PSTK: variants seen among roughly 807,000 people sequenced by gnomAD.
PSTK encodes the protein L-seryl-tRNA(Sec) kinase.
Under a neutral mutation model 38.6 loss-of-function variants are expected in PSTK, and 26 were observed. That is an observed-to-expected ratio of 0.67 (90% confidence interval 0.49 to 0.94). PSTK has a LOEUF of 0.94. Ranked by LOEUF, PSTK falls within the 40% of genes least tolerant of loss-of-function variation. The probability of loss-of-function intolerance (pLI) is 0.00; values close to 1 mark genes in which losing one functional copy is unlikely to be tolerated. For missense variants in PSTK, 445 were observed against 436.3 expected (o/e 1.02, Z -0.18); for synonymous variants, 181 against 161.7 (o/e 1.12, Z -0.91).
In PSTK at chr10:122,980,554, C is replaced by A. The variant is rs1376967596; in HGVS notation, c.75C>A (p.Gly25=). The A allele has an allele frequency of 1.2e-6, 2 of 1,611,688 alleles. No homozygotes were observed. Among genetic ancestry groups the A allele is most frequent in the South Asian group, 2.2e-5 (2 of 90,932 alleles). ...PRKRGLCVLC[G]LPAAGKSTFA... is the part of the protein sequence containing the mutation. ...AACGAGGCCTCTGCGTCCTCTGTGG[C>A]CTCCCCGCGGCAGGAAAATCGACTT... Residue 25 remains glycine, a synonymous_variant, in exon 1 of 6, where the codon GGC becomes GGA. Transcript: ENST00000406217. The surrounding 1 kb of genome is among the most constrained non-coding windows in gnomAD (Gnocchi z 4.3).
intron 4 of PSTK, among the ~76,000 whole-genome samples, 197 bp from the exon 5 acceptor site, chr10:122,986,672 C>T (rs1209633011): frequency 6.6e-6 from 1 of 152,168 alleles, no homozygotes; most frequent in Non-Finnish European, 1.5e-5. Context: ...TAGACATTCA[C>T]CAGCATATCA....
chr10:122,986,281 TA>T lies in PSTK; in HGVS notation c.708-18del, dbSNP rs1471367934. 1 of 1,541,702 alleles carries T rather than the reference TA, an allele frequency of 6.5e-7. No homozygotes were observed. The highest frequency in any genetic ancestry group is 8.8e-7 in the Non-Finnish European group (1 of 1,133,320). ...TTGGATATAAGGATCTATTGTATTT[TA>T]TCCCATTTTCTCTGTAGCCTGGAAG... On this transcript the variant is annotated intron_variant, in intron 3 of 5. Transcript: ENST00000406217.
At chr10:122,986,986 G>C in intron 5 of PSTK, 24 bp downstream of exon 5, 1 of 1,444,800 alleles carries the variant, frequency 6.9e-7, no homozygotes, top group South Asian at 1.1e-5. Context: ...GTTATGTGTT[G>C]AGTTGGTATG....
Position 122,990,186 on chromosome 10 carries a change from T to G in PSTK, c.890T>G (p.Leu297Arg). 6.6e-7 allele frequency: 1 copy of G among 1,519,922 alleles called. No homozygotes were observed. 94.2% of individuals were successfully genotyped at this position (1,519,922 alleles called of 1,614,324 possible). Residue 297 changes from leucine to arginine, a missense_variant, in exon 6 of 6, where the codon CTT becomes CGT. Coordinates refer to ENST00000406217, the MANE Select transcript of PSTK (RefSeq NM_001363531.2). ...CTTTTTATTTTAGATGAACAAGTGCTTCCTCACAACTTGAAGCTTCTAGCA... is the reference window on the plus strand; with the variant it reads ...CTTTTTATTTTAGATGAACAAGTGCGTCCTCACAACTTGAAGCTTCTAGCA... ...TMKEAKDEQV[L>R]PHNLKLLAEE... is the part of the protein sequence containing the mutation.
At chr10:122,987,545 T>A in intron 5 of PSTK, 1 of 1,601,600 alleles carries the variant, frequency 6.2e-7, no homozygotes, top group Non-Finnish European at 8.5e-7. Flanking sequence ...AGGTGTAAGA[T>A]CAGCATGGAA....
chr10:122,985,338 T>G (rs1849019656), intron 3 of PSTK: 1 of 152,260 alleles, frequency 6.6e-6, no homozygotes, highest in Non-Finnish European at 1.5e-5. Flanking sequence ...CTGTCACTCT[T>G]ATCATTGTCA....
At chr10:122,981,843 C>T (rs1485379686) in intron 1 of PSTK, 1 of 152,186 alleles carries the variant, frequency 6.6e-6, no homozygotes, top group African/African-American at 2.4e-5. Context: ...TTTTTCCACG[C>T]TTTTCCTATG....
intron 3 of PSTK, 78 bp from the exon 4 acceptor site, chr10:122,986,222 C>G: frequency 2.4e-6 from 2 of 824,896 alleles, no homozygotes; most frequent in Non-Finnish European, 3.7e-6. Context: ...CTCCAGGACT[C>G]CATCTCAAAA....
In PSTK at chr10:122,983,264, G is replaced by C; in HGVS notation, c.509-8G>C. 6.3e-7 allele frequency: 1 copy of C among 1,599,650 alleles called. No individual in the cohort carries two copies. Among genetic ancestry groups the C allele is most frequent in the Non-Finnish European group, 8.5e-7 (1 of 1,173,052 alleles). On this transcript the variant is annotated splice_region_variant and splice_polypyrimidine_tract_variant and intron_variant, in intron 2 of 5. Transcript: ENST00000406217. ...ACCAGTAATTCTATCATTTTAAACT[G>C]TTTTCAGATTCGTTGGGCTTTTGCC...
Position 122,990,312 on chromosome 10 carries a change from TTTC to T in PSTK, c.1019_1021del (p.Ser340del), listed in dbSNP as rs1354473485. 2 of 1,520,072 alleles carry T rather than the reference TTTC, an allele frequency of 1.3e-6. No individual in the cohort carries two copies. The highest frequency in any genetic ancestry group is 2.3e-5 in the Admixed American group (1 of 43,332). 94.2% of individuals were successfully genotyped at this position (1,520,072 alleles called of 1,614,324 possible). ...CAAACCATTGACATACCAGATGTCA[TTTC>T]TTTTTTTCATTATGAGAAAGATAAT... is the stretch of plus-strand genomic sequence containing the variant. On this transcript the variant is annotated inframe_deletion, in exon 6 of 6. Coordinates refer to ENST00000406217, the MANE Select transcript of PSTK (RefSeq NM_001363531.2).
At chr10:122,983,544 G>A (rs189782479) in intron 3 of PSTK, 74 bp downstream of exon 3, 2 of 1,320,876 alleles carry the variant, frequency 1.5e-6, no homozygotes, top group Admixed American at 1.9e-5. Flanking sequence ...GTCTATGTTG[G>A]TTTAGTTAGT....
Position 122,986,917 on chromosome 10 carries a change from C to A in PSTK, c.832C>A (p.Gln278Lys), listed in dbSNP as rs141800550. The change falls in exon 5 of 6, where the codon CAG becomes AAG. Residue 278 changes from glutamine to lysine, a missense_variant. Transcript: ENST00000406217. Reference sequence around the variant, plus strand: ...AACTAACATTCTTCATAAAACTGATCAGACACTCCGAAGGATTGTATCTCA... The same window carrying A: ...AACTAACATTCTTCATAAAACTGATAAGACACTCCGAAGGATTGTATCTCA... ...CSTNILHKTD[Q>K]TLRRIVSQTM... 3 of 1,612,708 alleles carry A rather than the reference C, an allele frequency of 1.9e-6. No individual in the cohort carries two copies. Among genetic ancestry groups the A allele is most frequent in the Non-Finnish European group, 8.5e-7 (1 of 1,178,868 alleles).
Position 122,986,374 on chromosome 10 carries a change from A to G in PSTK, c.782A>G (p.Lys261Arg). Reference protein sequence around the residue: ...VKYAEDNMEQKDTDRIICSTN... With the variant: ...VKYAEDNMEQRDTDRIICSTN... ...TATGCTGAGGACAATATGGAACAAA[A>G]GGTAAACTTCCAGTGTAAATTTAAT... The change falls in exon 4 of 6, where the codon AAG (lysine) becomes AGG (arginine). Residue 261 changes from lysine to arginine, a missense_variant and splice_region_variant. Lys to Arg is a conservative substitution (Grantham distance 26, BLOSUM62 2). Coordinates refer to ENST00000406217, the MANE Select transcript of PSTK (RefSeq NM_001363531.2). 6.3e-7 allele frequency: 1 copy of G among 1,599,120 alleles called. No homozygotes were observed. Among genetic ancestry groups the G allele is most frequent in the Non-Finnish European group, 8.6e-7 (1 of 1,166,352 alleles).
At chr10:122,987,620 A>G in intron 5 of PSTK, 1 of 1,380,974 alleles carries the variant, frequency 7.2e-7, no homozygotes, top group Non-Finnish European at 9.6e-7. Context: ...TGGTAACTAG[A>G]GTTTTACACA....
chr10:122,988,952 C>G (rs1278836613), intron 5 of PSTK, among the ~76,000 whole-genome samples: 2 of 152,056 alleles, frequency 1.3e-5, no homozygotes, highest in East Asian at 1.9e-4. Context: ...ACATGTCCGT[C>G]AGCTGACCAA....
chr10:122,980,476 CA>C lies in PSTK; in HGVS notation c.-3del, dbSNP rs1191970594. 25 of 1,594,002 alleles carry C rather than the reference CA, an allele frequency of 1.6e-5. No individual in the cohort carries two copies. The highest frequency in any genetic ancestry group is 3.3e-5 in the South Asian group (3 of 89,834). On this transcript the variant is annotated 5_prime_UTR_variant, in exon 1 of 6. Transcript: ENST00000406217. The surrounding 1 kb of genome is among the most constrained non-coding windows in gnomAD (Gnocchi z 4.3). ...CCCAGACTCCTCCGGTCTCCCCGGG[CA>C]GCATGAAGACCGCCGAGAACATCAG...
intron 5 of PSTK, chr10:122,987,607 A>G (rs570637178): frequency 6.9e-7 from 1 of 1,457,304 alleles, no homozygotes; most frequent in African/African-American, 1.4e-5. Context: ...TAGATGAAAT[A>G]TGTGGTAACT....
Position 122,986,357 on chromosome 10 carries a change from G to A in PSTK, c.765G>A (p.Glu255=). 6.2e-7 allele frequency: 1 copy of A among 1,609,440 alleles called. No individual in the cohort carries two copies. The highest frequency in any genetic ancestry group is 1.3e-5 in the African/African-American group (1 of 74,906). The change falls in exon 4 of 6, where the codon GAG becomes GAA. Residue 255 remains glutamate (E), a synonymous_variant. Transcript: ENST00000406217. The stretch of plus-strand genomic sequence containing the variant: ...TGGAAAATCCAGTAAAATATGCTGA[G>A]GACAATATGGAACAAAAGGTAAACT... ...TALENPVKYA[E]DNMEQKDTDR... is the part of the protein sequence containing the mutation.
chr10:122,989,184 G>A (rs1181277927), intron 5 of PSTK, among the ~76,000 whole-genome samples: 2 of 131,232 alleles, frequency 1.5e-5, no homozygotes, highest in East Asian at 5.7e-4. Context: ...GAGATGGGGG[G>A]CGGGGGGTGG....
Sources: gnomAD v4.1 joint callset for allele counts (sites outside exome capture counted in the v4.1 genomes callset) on GRCh38, gnomAD v4.1.1 for gene constraint, Gnocchi (gnomAD v3.1) non-coding constraint, MANE v1.5 for transcripts, NCBI Gene and HGNC (gene_info 2026-07-23, HGNC 2026-07-21) for gene names.